Variants in DUSP8 observed in about 807,000 individuals in gnomAD.
DUSP8 encodes the protein dual specificity phosphatase 8, also known as dual specificity protein phosphatase 8.
In DUSP8, 15 loss-of-function variants were observed where a neutral mutation model predicts 38.7. The observed-to-expected ratio is 0.39, with a 90% CI of 0.26 to 0.60. The LOEUF (loss-of-function observed/expected upper bound fraction) is 0.60, where lower values mean the gene tolerates loss of function less well. Ranked by LOEUF, DUSP8 falls within the 20% of genes least tolerant of loss-of-function variation. The pLI, the probability that DUSP8 is intolerant of heterozygous loss-of-function variation, is 0.56. For synonymous variants in DUSP8, 458 were observed against 433.9 expected (o/e 1.06, Z -0.69); for missense variants, 768 against 915.0 (o/e 0.84, Z 2.07).
At position 1,555,913 on chromosome 11, in the gene DUSP8, A is replaced by G. The variant is rs1848614220; in HGVS notation, c.*605T>C. On this transcript the variant is annotated 3_prime_UTR_variant, in exon 7 of 7. Transcript: ENST00000397374. The stretch of plus-strand genomic sequence containing the variant: ...TGCCTGTCCTCCCCTGCCAGAGAAC[A>G]GCTCTGGGGCAACGGGCAGCGGGGT... The G allele has an allele frequency of 6.6e-6, 1 of 152,284 alleles. No homozygotes were observed. Among genetic ancestry groups the G allele is most frequent in the Non-Finnish European group, 1.5e-5 (1 of 68,084 alleles). The allele number at this position is 152,284 out of a possible 1,614,324, so 9.4% of individuals were successfully genotyped here.
rs777280891 is a variant in DUSP8 at position 1,557,485 on chromosome 11, G to A, written c.911C>T (p.Ala304Val). 3 of 1,574,168 alleles carry A rather than the reference G, an allele frequency of 1.9e-6. No individual in the cohort carries two copies. The highest frequency in any genetic ancestry group is 1.8e-5 in the Admixed American group (1 of 55,394). Residue 304 changes from alanine to valine, a missense_variant, in exon 7 of 7, where the codon GCC becomes GTC. Ala to Val is a moderately conservative substitution (Grantham distance 64). Around this residue, in one of 3 missense-constraint regions of DUSP8, gnomAD observed 474 missense variants for 430.8 expected, o/e 1.10. Coordinates refer to ENST00000397374, the MANE Select transcript of DUSP8 (RefSeq NM_004420.3). This position sits in a 1 kb window ranked among gnomAD's most constrained non-coding sequence, Gnocchi z 9.9. ...GGTGCCCGGGTCGCCCTGCAGGGCG[G>A]CCAGCAGCTTCAGGCTGCGCTCGTA... ...LEYERSLKLL[A>V]ALQGDPGTPS...
Position 1,555,454 on chromosome 11 carries a change from C to T in DUSP8, c.*1064G>A. 1.0e-6 allele frequency: 1 copy of T among 983,682 alleles called. No homozygotes were observed. 60.9% of individuals were successfully genotyped at this position (983,682 alleles called of 1,614,324 possible). ...AGCCCCTCAGCCTGCAGGTGCACACCTGAATTCCAAGTTCTGCCTGGGGCA... is the reference window on the plus strand; with the variant it reads ...AGCCCCTCAGCCTGCAGGTGCACACTTGAATTCCAAGTTCTGCCTGGGGCA... On this transcript the variant is annotated 3_prime_UTR_variant, in exon 7 of 7. Transcript: ENST00000397374.
chr11:1,556,417 T>C lies in DUSP8; in HGVS notation c.*101A>G. ...AAAAATCGAAATATTTACTTCTCGA[T>C]AAAAATCCCAGTAAAACCATTTACC... On this transcript the variant is annotated 3_prime_UTR_variant, in exon 7 of 7. Transcript: ENST00000397374. This position sits in a 1 kb window ranked among gnomAD's most constrained non-coding sequence, Gnocchi z 5.2. 8.2e-7 allele frequency: 1 copy of C among 1,222,398 alleles called. No homozygotes were observed. The highest frequency in any genetic ancestry group is 1.0e-6 in the Non-Finnish European group (1 of 980,098). The allele number at this position is 1,222,398 out of a possible 1,614,324, so 75.7% of individuals were successfully genotyped here. A position where few individuals can be genotyped will look rare whatever the true frequency, so the allele number is the denominator to read the frequency against.
chr11:1,565,544 T>G (rs1320565786), intron 2 of DUSP8, 52 bp downstream of exon 2: 22 of 1,442,698 alleles, frequency 1.5e-5, no homozygotes, highest in Non-Finnish European at 1.1e-5. Context: ...GAGGGCCCCT[T>G]AGCTGTGGAC....
rs1848673280 is a variant in DUSP8 at position 1,558,676 on chromosome 11, CG to C, written c.537+212del. ...TCCCCGCTCCTCCCCCGAGCCCTGC[CG>C]GGCCCTCCCGCAAGCCCTGCTGTGG... On this transcript the variant is annotated intron_variant, in intron 4 of 6. Coordinates refer to ENST00000397374, the MANE Select transcript of DUSP8 (RefSeq NM_004420.3). The surrounding 1 kb of genome is among the most constrained non-coding windows in gnomAD (Gnocchi z 6.3). Among the ~76,000 whole-genome samples, 1 of 152,146 alleles carries C rather than the reference CG, an allele frequency of 6.6e-6. No individual in the cohort carries two copies. The highest frequency in any genetic ancestry group is 2.1e-4 in the South Asian group (1 of 4,834).
Position 1,554,579 on chromosome 11 carries a change from AGAGACAGACT to A in DUSP8, c.*1929_*1938del. 1 of 945,264 alleles carries A rather than the reference AGAGACAGACT, an allele frequency of 1.1e-6. No homozygotes were observed. Among genetic ancestry groups the A allele is most frequent in the Non-Finnish European group, 1.3e-6 (1 of 791,150 alleles). The allele number at this position is 945,264 out of a possible 1,614,324, so 58.6% of individuals were successfully genotyped here. A position where few individuals can be genotyped will look rare whatever the true frequency, so the allele number is the denominator to read the frequency against. On this transcript the variant is annotated 3_prime_UTR_variant, in exon 7 of 7. Transcript: ENST00000397374. ...TAACCAGTGCCTCAAGAGTGGGAGC[AGAGACAGACT>A]GAGACAGACAGCCCCCCTCAACGGC...
Position 1,554,940 on chromosome 11 carries a change from C to G in DUSP8, c.*1578G>C, listed in dbSNP as rs1293038634. On this transcript the variant is annotated 3_prime_UTR_variant, in exon 7 of 7. Transcript: ENST00000397374. ...GGACTTTTGCTGAAAGGAGGGATGACAGGAACACAGAGCTGTGGGTGAAAA... is the reference window on the plus strand; with the variant it reads ...GGACTTTTGCTGAAAGGAGGGATGAGAGGAACACAGAGCTGTGGGTGAAAA... 4.1e-6 allele frequency: 4 copies of G among 985,814 alleles called. No individual in the cohort carries two copies. Among genetic ancestry groups the G allele is most frequent in the Non-Finnish European group, 4.8e-6 (4 of 830,120 alleles). The allele number at this position is 985,814 out of a possible 1,614,324, so 61.1% of individuals were successfully genotyped here.
rs1469187767 is a variant in DUSP8 at position 1,559,366 on chromosome 11, C to T, written c.371-311G>A. The stretch of plus-strand genomic sequence containing the variant: ...AGGTGGCGTTGAGGTGGCTGGCCAT[C>T]ACGGCACGCGCTGGGCCCAGGCAGG... On this transcript the variant is annotated intron_variant, in intron 3 of 6. Transcript: ENST00000397374. 9.7e-6 allele frequency: 3 copies of T among 310,706 alleles called. 1 individual carries two copies. The highest frequency in any genetic ancestry group is 1.7e-3 in the Middle Eastern group (2 of 1,156). 19.2% of individuals were successfully genotyped at this position (310,706 alleles called of 1,614,324 possible). A position where few individuals can be genotyped will look rare whatever the true frequency, so the allele number is the denominator to read the frequency against.
In DUSP8 at chr11:1,557,002, G is replaced by A. The variant is rs1466784941; in HGVS notation, c.1394C>T (p.Ala465Val). Residue 465 changes from alanine to valine, a missense_variant, in exon 7 of 7, where the codon GCG (alanine) becomes GTG (valine). Coordinates refer to ENST00000397374, the MANE Select transcript of DUSP8 (RefSeq NM_004420.3). The surrounding 1 kb of genome is among the most constrained non-coding windows in gnomAD (Gnocchi z 9.9). ...GCCGAGGCTGTGCGCGGGGGAGCGC[G>A]CGGGGGAGCCGGCGGGGGGCCGGGG... ...RRPRPPAGSP[A>V]RSPAHSLGLN... 6.9e-6 allele frequency: 7 copies of A among 1,020,466 alleles called. No individual in the cohort carries two copies. The highest frequency in any genetic ancestry group is 9.4e-4 in the Middle Eastern group (2 of 2,122). 63.2% of individuals were successfully genotyped at this position (1,020,466 alleles called of 1,614,324 possible).
In DUSP8 at chr11:1,556,380, C is replaced by G; in HGVS notation, c.*138G>C. 8.6e-7 allele frequency: 1 copy of G among 1,156,996 alleles called. No individual in the cohort carries two copies. The highest frequency in any genetic ancestry group is 1.1e-6 in the Non-Finnish European group (1 of 920,784). 71.7% of individuals were successfully genotyped at this position (1,156,996 alleles called of 1,614,324 possible). ...GCCAAATCATTGCCAGAATGAACAG[C>G]TTAAATAAATAAAAAATCGAAATAT... is the stretch of plus-strand genomic sequence containing the variant. On this transcript the variant is annotated 3_prime_UTR_variant, in exon 7 of 7. Coordinates refer to ENST00000397374, the MANE Select transcript of DUSP8 (RefSeq NM_004420.3). The surrounding 1 kb of genome is among the most constrained non-coding windows in gnomAD (Gnocchi z 5.2).
Position 1,557,934 on chromosome 11 carries a change from TG to T in DUSP8, c.698-18del, listed in dbSNP as rs1848661643. ...TGGCTTTATCTGGGCAGGTGGGCCA[TG>T]GGGGCCAGGTGAGGGCTAAGACTGC... On this transcript the variant is annotated intron_variant, in intron 5 of 6. Coordinates refer to ENST00000397374, the MANE Select transcript of DUSP8 (RefSeq NM_004420.3). The surrounding 1 kb of genome is among the most constrained non-coding windows in gnomAD (Gnocchi z 9.9). The T allele has an allele frequency of 1.9e-6, 3 of 1,613,562 alleles. No homozygotes were observed. Among genetic ancestry groups the T allele is most frequent in the African/African-American group, 2.7e-5 (2 of 74,924 alleles).
At position 1,558,671 on chromosome 11, in the gene DUSP8, C is replaced by A. The variant is rs1305241417; in HGVS notation, c.537+218G>T. 6.6e-6 allele frequency among the ~76,000 whole-genome samples: 1 copy of A among 152,154 alleles called. No homozygotes were observed. The highest frequency in any genetic ancestry group is 1.5e-5 in the Non-Finnish European group (1 of 68,020). On this transcript the variant is annotated intron_variant, in intron 4 of 6. Transcript: ENST00000397374. The surrounding 1 kb of genome is among the most constrained non-coding windows in gnomAD (Gnocchi z 6.3). ...CCAGCTCCCCGCTCCTCCCCCGAGC[C>A]CTGCCGGGCCCTCCCGCAAGCCCTG... is the stretch of plus-strand genomic sequence containing the variant.
chr11:1,554,937 T>A lies in DUSP8; in HGVS notation c.*1581A>T, dbSNP rs1397216028. ...ACAGGACTTTTGCTGAAAGGAGGGA[T>A]GACAGGAACACAGAGCTGTGGGTGA... On this transcript the variant is annotated 3_prime_UTR_variant, in exon 7 of 7. Transcript: ENST00000397374. The A allele has an allele frequency of 2.0e-6, 2 of 985,846 alleles. No individual in the cohort carries two copies. The highest frequency in any genetic ancestry group is 2.4e-6 in the Non-Finnish European group (2 of 830,086). 61.1% of individuals were successfully genotyped at this position (985,846 alleles called of 1,614,324 possible).
chr11:1,556,854 G>C lies in DUSP8; in HGVS notation c.1542C>G (p.Ser514=), dbSNP rs1247740083. The change falls in exon 7 of 7, where the codon TCC becomes TCG. Residue 514 remains serine (S), a synonymous_variant. Coordinates refer to ENST00000397374, the MANE Select transcript of DUSP8 (RefSeq NM_004420.3). The surrounding 1 kb of genome is among the most constrained non-coding windows in gnomAD (Gnocchi z 5.2). ...GPGAWAPPLD[S]PGTPSPDGPW... is the part of the protein sequence containing the mutation. ...GCCCGTCGGGCGACGGCGTGCCTGG[G>C]GAGTCGAGCGGCGGTGCCCAGGCCC... 3 of 1,137,470 alleles carry C rather than the reference G, an allele frequency of 2.6e-6. No individual in the cohort carries two copies. Among genetic ancestry groups the C allele is most frequent in the Non-Finnish European group, 3.2e-6 (3 of 927,896 alleles). 70.5% of individuals were successfully genotyped at this position (1,137,470 alleles called of 1,614,324 possible).
At chr11:1,567,852 G>GCTGCCTGCCTGCTGTGGAGGGTCT (rs1483692627) in intron 1 of DUSP8, among the ~76,000 whole-genome samples, 39 of 152,346 alleles carry the variant, frequency 2.6e-4, no homozygotes, top group Admixed American at 1.2e-3. Flanking sequence ...AAAAGGGCCT[G>GCTGCCTGCCTGCTGTGGAGGGTCT]CTGCCTGCCT....
chr11:1,572,143 C>T lies in DUSP8; in HGVS notation c.-351G>A, dbSNP rs1476571280. 2.1e-5 allele frequency among the ~76,000 whole-genome samples: 3 copies of T among 145,602 alleles called. No individual in the cohort carries two copies. Among genetic ancestry groups the T allele is most frequent in the Non-Finnish European group, 4.6e-5 (3 of 65,670 alleles). On this transcript the variant is annotated 5_prime_UTR_variant, in exon 1 of 7. Coordinates refer to ENST00000397374, the MANE Select transcript of DUSP8 (RefSeq NM_004420.3). This position sits in a 1 kb window ranked among gnomAD's most constrained non-coding sequence, Gnocchi z 4.7. ...GCTCGCGGCGCGCATCCCAGCCCCG[C>T]GGCTCGGCGGGCGCGGCCGGGAGGT...
chr11:1,557,295 G>A lies in DUSP8; in HGVS notation c.1101C>T (p.Thr367=), dbSNP rs748963371. The change falls in exon 7 of 7, where the codon ACC becomes ACT. Residue 367 remains threonine, a synonymous_variant. Transcript: ENST00000397374. This position sits in a 1 kb window ranked among gnomAD's most constrained non-coding sequence, Gnocchi z 9.9. Reference sequence around the variant, plus strand: ...CGCGCAGGCCCTGCTGCAGTGCGCTGGTCGCCGGGGGCGTGGGGGGCGCGG... The same window carrying A: ...CGCGCAGGCCCTGCTGCAGTGCGCTAGTCGCCGGGGGCGTGGGGGGCGCGG... ...EPPAPPTPPA[T]SALQQGLRGL... The A allele has an allele frequency of 1.4e-6, 2 of 1,471,574 alleles. No homozygotes were observed. The highest frequency in any genetic ancestry group is 1.8e-6 in the Non-Finnish European group (2 of 1,120,192). The allele number at this position is 1,471,574 out of a possible 1,614,324, so 91.2% of individuals were successfully genotyped here.
At chr11:1,568,577 C>T (rs1447376273) in intron 1 of DUSP8, among the ~76,000 whole-genome samples, 1 of 152,216 alleles carries the variant, frequency 6.6e-6, no homozygotes, top group Admixed American at 6.5e-5. Context: ...GCAGCCACCA[C>T]CATGGAGCAG....
intron 1 of DUSP8, among the ~76,000 whole-genome samples, chr11:1,567,088 G>A (rs1002163350): frequency 1.3e-5 from 2 of 152,144 alleles, no homozygotes; most frequent in South Asian, 4.1e-4. Flanking sequence ...GTCACACCTG[G>A]GTCACACACA....
Sources: allele counts gnomAD v4.1 joint callset (sites outside exome capture counted in the v4.1 genomes callset), GRCh38; gene constraint gnomAD v4.1.1; regional missense constraint gnomAD v4.1.1; non-coding constraint Gnocchi (gnomAD v3.1); transcripts MANE v1.5; gene names NCBI Gene and HGNC (gene_info 2026-07-23, HGNC 2026-07-21).